The following FAM20C variants were observed in gnomAD, a reference collection of about 807,000 sequenced individuals.
FAM20C encodes FAM20C golgi associated secretory pathway kinase.
In FAM20C, 40 loss-of-function variants were observed where a neutral mutation model predicts 51.5. The observed-to-expected ratio is 0.78, with a 90% CI of 0.60 to 1.01. FAM20C has a LOEUF of 1.01. Among genes scored for constraint, FAM20C ranks in the 50% least tolerant of loss-of-function variants. FAM20C has a pLI of 0.00. For missense variants in FAM20C, 861 were observed against 844.7 expected (o/e 1.02, Z -0.24); for synonymous variants, 406 against 380.6 (o/e 1.07, Z -0.78).
intron 3 of FAM20C, among the ~76,000 whole-genome samples, chr7:235,651 G>A (rs923125598): frequency 9.2e-5 from 14 of 152,344 alleles, no homozygotes; most frequent in South Asian, 2.1e-4. Context: ...CCTCCCGCTC[G>A]GGTGGGGCCC....
chr7:258,304 G>GC lies in FAM20C; in HGVS notation c.1446-342_1446-341insC, dbSNP rs1202026480. Among the ~76,000 whole-genome samples the GC allele has an allele frequency of 3.1e-3, 195 of 63,908 alleles. 7 individuals are homozygous for GC. Among genetic ancestry groups the GC allele is most frequent in the Middle Eastern group, 0.012 (1 of 86 alleles). 41.9% of individuals were successfully genotyped at this position (63,908 alleles called of 152,430 possible). On this transcript the variant is annotated intron_variant, in intron 8 of 9. Coordinates refer to ENST00000313766, the MANE Select transcript of FAM20C (RefSeq NM_020223.4). ...CCACTGCCTGGGGTGCTGGAGATGG[G>GC]TGGGATGGACCCACTGCCCGGGGTG...
At chr7:222,628 G>A (rs554687606) in intron 3 of FAM20C, among the ~76,000 whole-genome samples, 2 of 152,074 alleles carry the variant, frequency 1.3e-5, no homozygotes, top group African/African-American at 4.8e-5. Flanking sequence ...CCAAAGGCTG[G>A]AGAGCGGAAG....
intron 3 of FAM20C, among the ~76,000 whole-genome samples, chr7:216,612 T>TGTGTGTATGA: frequency 1.6e-5 from 2 of 127,440 alleles, no homozygotes; most frequent in South Asian, 2.6e-4. Context: ...TTTCTGTGTG[T>TGTGTGTATGA]GTGTGTATGA....
chr7:219,490 G>A (rs1466780546), intron 3 of FAM20C, among the ~76,000 whole-genome samples: 1 of 152,110 alleles, frequency 6.6e-6, no homozygotes, highest in Non-Finnish European at 1.5e-5. Context: ...TGAGGGAGGC[G>A]CGTTCCCTCT....
In FAM20C at chr7:255,905, C is replaced by T. The variant is rs1050924429; in HGVS notation, c.1129C>T (p.Leu377=). ...CTACTACTGCTCCACGGAGCACGCC[C>T]TGTGCGGGAAGCCAGACCAGATCGA... ...CSYYCSTEHA[L]CGKPDQIEGS... is the part of the protein sequence containing the mutation. The change falls in exon 6 of 10, where the codon CTG becomes TTG. Residue 377 remains leucine, a synonymous_variant. Transcript: ENST00000313766. 4.6e-6 allele frequency: 7 copies of T among 1,536,344 alleles called. No homozygotes were observed. Among genetic ancestry groups the T allele is most frequent in the African/African-American group, 1.4e-5 (1 of 73,052 alleles).
chr7:217,606 G>A (rs559261318), intron 3 of FAM20C, among the ~76,000 whole-genome samples: 21 of 152,270 alleles, frequency 1.4e-4, no homozygotes, highest in Non-Finnish European at 2.4e-4. Context: ...GAGAGGTGCC[G>A]GCTTTCCCTG....
intron 3 of FAM20C, 180 bp from the exon 4 acceptor site, chr7:246,235 G>A (rs1184067061): frequency 1.2e-5 from 7 of 605,224 alleles, no homozygotes; most frequent in East Asian, 2.9e-5. Flanking sequence ...ACGTGCCTGC[G>A]CTGCTCTGAG....
chr7:217,811 G>A (rs1787071025), intron 3 of FAM20C, among the ~76,000 whole-genome samples: 1 of 152,204 alleles, frequency 6.6e-6, no homozygotes, highest in South Asian at 2.1e-4. Context: ...AGAGGACTGA[G>A]AGGTTCGATG....
intron 3 of FAM20C, among the ~76,000 whole-genome samples, chr7:243,749 G>A (rs1334419912): frequency 9.2e-5 from 13 of 141,946 alleles, no homozygotes; most frequent in Admixed American, 9.1e-4. Flanking sequence ...TGTGCCACCC[G>A]GGAGACCTGT....
intron 3 of FAM20C, among the ~76,000 whole-genome samples, chr7:233,992 C>T (rs1470481667): frequency 6.6e-6 from 1 of 152,190 alleles, no homozygotes; most frequent in Non-Finnish European, 1.5e-5. Flanking sequence ...CTGCAGGCAG[C>T]TCCTGGGAAC....
At chr7:199,778 A>G (rs546868794) in intron 2 of FAM20C, among the ~76,000 whole-genome samples, 18 of 152,324 alleles carry the variant, frequency 1.2e-4, no homozygotes, top group Admixed American at 1.1e-3. Flanking sequence ...ATTCAGCTTG[A>G]AATCGGGCAT....
At chr7:242,571 G>A (rs1450895570) in intron 3 of FAM20C, among the ~76,000 whole-genome samples, 2 of 152,142 alleles carry the variant, frequency 1.3e-5, no homozygotes, top group African/African-American at 4.8e-5. Context: ...CCTCCATCCT[G>A]GCCAGGGAGC....
At chr7:208,616 G>A (rs1208101440) in intron 2 of FAM20C, among the ~76,000 whole-genome samples, 1 of 150,692 alleles carries the variant, frequency 6.6e-6, no homozygotes, top group African/African-American at 2.4e-5. Flanking sequence ...TTATACGTGT[G>A]TGTCCAGGTA....
At chr7:194,779 A>AC (rs1312265107) in intron 1 of FAM20C, among the ~76,000 whole-genome samples, 1 of 66,064 alleles carries the variant, frequency 1.5e-5, no homozygotes, top group African/African-American at 6.9e-5. Context: ...CTAGCCCCCC[A>AC]CCCCGCCCCC....
At chr7:226,932 C>T (rs1787470114) in intron 3 of FAM20C, among the ~76,000 whole-genome samples, 1 of 152,180 alleles carries the variant, frequency 6.6e-6, no homozygotes, top group Admixed American at 6.5e-5. Flanking sequence ...GCCCTGCACC[C>T]ACTTTACCGA....
chr7:210,574 G>T (rs909849018), intron 3 of FAM20C, among the ~76,000 whole-genome samples: 3 of 152,186 alleles, frequency 2.0e-5, no homozygotes, highest in Middle Eastern at 3.4e-3. Flanking sequence ...GGGCACGGCT[G>T]GGGGAGGCAG....
At chr7:228,525 C>G (rs578137487) in intron 3 of FAM20C, 1 of 456,224 alleles carries the variant, frequency 2.2e-6, no homozygotes, top group African/African-American at 2.0e-5. Flanking sequence ...CTGACACTGC[C>G]ATGGGGGCTG....
rs1051910398 is a variant in FAM20C at position 254,199 on chromosome 7, G to A, written c.1073-1650G>A. ...CCGTTTCCTCTCCGAACCTCAGCTT[G>A]TTCAGCTAAGAAAGGGCAGCCGGGA... On this transcript the variant is annotated intron_variant, in intron 5 of 9. Coordinates refer to ENST00000313766, the MANE Select transcript of FAM20C (RefSeq NM_020223.4). Among the ~76,000 whole-genome samples, 7 of 152,216 alleles carry A rather than the reference G, an allele frequency of 4.6e-5. No homozygotes were observed. The East Asian group carries it at 1.3e-3, about 29-fold the overall frequency.
intron 3 of FAM20C, among the ~76,000 whole-genome samples, chr7:234,781 C>A (rs1401233891): frequency 6.6e-6 from 1 of 152,156 alleles, no homozygotes; most frequent in African/African-American, 2.4e-5. Context: ...AGGTTTGGGA[C>A]GGACAGCCCC....
Sources: gnomAD v4.1 joint callset for allele counts (sites outside exome capture counted in the v4.1 genomes callset) on GRCh38, gnomAD v4.1.1 for gene constraint, MANE v1.5 for transcripts, NCBI Gene and HGNC (gene_info 2026-07-23, HGNC 2026-07-21) for gene names.